The following RGS17 variants were observed in gnomAD, a reference collection of about 807,000 sequenced individuals.
RGS17 encodes regulator of G-protein signaling 17.
Under a neutral mutation model 25.5 loss-of-function variants are expected in RGS17, and 12 were observed. The ratio of observed to expected loss-of-function variants is 0.47; its 90% CI spans 0.30 to 0.76. The LOEUF is 0.76. Ranked by LOEUF, RGS17 falls within the 30% of genes least tolerant of loss-of-function variation. The pLI is 0.07. For missense variants in RGS17, 196 were observed against 242.2 expected, an observed-to-expected ratio of 0.81 and a Z score of 1.27; for synonymous variants, 71 against 76.9, an observed-to-expected ratio of 0.92 and a Z score of 0.40.
intron 1 of RGS17, among the ~76,000 whole-genome samples, chr6:153,117,765 C>T (rs1270010418): frequency 6.6e-6 from 1 of 152,226 alleles, no homozygotes; most frequent in Non-Finnish European, 1.5e-5. Flanking sequence ...TTTATTATCA[C>T]ATCAGTACTG....
intron 1 of RGS17, among the ~76,000 whole-genome samples, chr6:153,064,896 G>C (rs1024737158): frequency 3.9e-5 from 6 of 152,014 alleles, no homozygotes; most frequent in African/African-American, 7.2e-5. Flanking sequence ...AAAGAAGAAA[G>C]AGAAGACCAC....
intron 1 of RGS17, among the ~76,000 whole-genome samples, chr6:153,108,537 T>C (rs1777418320): frequency 7.0e-6 from 1 of 143,388 alleles, no homozygotes; most frequent in African/African-American, 2.5e-5. Context: ...GAACTTCAGA[T>C]GCTATGAGCC....
intron 1 of RGS17, among the ~76,000 whole-genome samples, chr6:153,104,929 C>T (rs1456021759): frequency 1.3e-5 from 2 of 151,122 alleles, no homozygotes; most frequent in Admixed American, 1.3e-4. Flanking sequence ...GGGGGAGGAA[C>T]ATTTCAGGCA....
At position 153,130,483 on chromosome 6, in the gene RGS17, TACACAC is replaced by T. The variant is rs58779961; in HGVS notation, c.-26+635_-26+640del. On this transcript the variant is annotated intron_variant, in intron 1 of 4. Transcript: ENST00000206262. The surrounding 1 kb of genome is among the most constrained non-coding windows in gnomAD (Gnocchi z 6.4). ...CCCACCCCCTATACATACATACACA[TACACAC>T]ACACACACACACACACACACCCCTC... Among the ~76,000 whole-genome samples, 1 of 146,096 alleles carries T rather than the reference TACACAC, an allele frequency of 6.8e-6. No individual in the cohort carries two copies. The highest frequency in any genetic ancestry group is 1.5e-5 in the Non-Finnish European group (1 of 66,070).
intron 1 of RGS17, among the ~76,000 whole-genome samples, chr6:153,126,393 G>A (rs948023727): frequency 6.6e-6 from 1 of 152,140 alleles, no homozygotes; most frequent in Non-Finnish European, 1.5e-5. Context: ...CAGGGGTGTA[G>A]CAGTATATGA....
At chr6:153,120,077 A>G (rs1483626356) in intron 1 of RGS17, among the ~76,000 whole-genome samples, 1 of 152,224 alleles carries the variant, frequency 6.6e-6, no homozygotes, top group Non-Finnish European at 1.5e-5. Flanking sequence ...TGGTGTCAAA[A>G]ATAAGTTCAA....
At chr6:153,089,991 T>C (rs1777103738) in intron 1 of RGS17, among the ~76,000 whole-genome samples, 1 of 152,188 alleles carries the variant, frequency 6.6e-6, no homozygotes, top group Non-Finnish European at 1.5e-5. Context: ...GGCAGCAGCA[T>C]CTTACTCTTG....
At position 153,130,918 on chromosome 6, in the gene RGS17, G is replaced by A. The variant is rs1345211575; in HGVS notation, c.-26+206C>T. 6.6e-6 allele frequency among the ~76,000 whole-genome samples: 1 copy of A among 151,766 alleles called. No homozygotes were observed. Among genetic ancestry groups the A allele is most frequent in the African/African-American group, 2.4e-5 (1 of 41,370 alleles). On this transcript the variant is annotated intron_variant, in intron 1 of 4. Transcript: ENST00000206262. The surrounding 1 kb of genome is among the most constrained non-coding windows in gnomAD (Gnocchi z 6.4). The stretch of plus-strand genomic sequence containing the variant: ...ATTCAACTTCCCGGACCCGCGGCGC[G>A]GCCCCCGCTCCCGCTCAGGGCGCCG...
At chr6:153,071,071 A>G (rs1232652798) in intron 1 of RGS17, among the ~76,000 whole-genome samples, 2 of 150,238 alleles carry the variant, frequency 1.3e-5, no homozygotes, top group Admixed American at 6.7e-5. Context: ...ATGTACATAT[A>G]CGTATATGTA....
chr6:153,093,576 A>G (rs1777162786), intron 1 of RGS17, among the ~76,000 whole-genome samples: 1 of 152,190 alleles, frequency 6.6e-6, no homozygotes, highest in Non-Finnish European at 1.5e-5. Context: ...GGACTAAACA[A>G]GGGAAAAAGT....
intron 1 of RGS17, among the ~76,000 whole-genome samples, chr6:153,071,915 T>C (rs753237425): frequency 2.6e-5 from 4 of 152,168 alleles, no homozygotes; most frequent in African/African-American, 4.8e-5. Flanking sequence ...AAAATTGAGA[T>C]ATTAATTAAT....
intron 1 of RGS17, among the ~76,000 whole-genome samples, chr6:153,075,446 C>T (rs1464903136): frequency 6.6e-6 from 1 of 152,186 alleles, no homozygotes; most frequent in Non-Finnish European, 1.5e-5. Context: ...CTACCTCTAC[C>T]CTGTCTGATG....
At chr6:153,052,797 A>G (rs1177876549) in intron 1 of RGS17, among the ~76,000 whole-genome samples, 1 of 152,134 alleles carries the variant, frequency 6.6e-6, no homozygotes, top group Non-Finnish European at 1.5e-5. Flanking sequence ...CCTCAAACAC[A>G]TATGTTGAAA....
intron 1 of RGS17, among the ~76,000 whole-genome samples, chr6:153,114,989 A>G (rs944615629): frequency 6.6e-6 from 1 of 152,234 alleles, no homozygotes; most frequent in Admixed American, 6.5e-5. Context: ...AATGGGCAAA[A>G]GCTGGAAGCA....
chr6:153,127,446 T>C (rs1777719500), intron 1 of RGS17, among the ~76,000 whole-genome samples: 1 of 152,256 alleles, frequency 6.6e-6, no homozygotes, highest in African/African-American at 2.4e-5. Flanking sequence ...CAGTACTTTA[T>C]ATACATTGCA....
At chr6:153,024,553 G>T in intron 3 of RGS17, 57 bp from the exon 4 acceptor site, 2 of 1,261,524 alleles carry the variant, frequency 1.6e-6, no homozygotes, top group South Asian at 2.4e-5. Flanking sequence ...GTGAATGCTA[G>T]ACCAGGTAAG....
intron 1 of RGS17, among the ~76,000 whole-genome samples, chr6:153,098,143 G>A (rs942167073): frequency 1.3e-5 from 2 of 152,162 alleles, no homozygotes; most frequent in African/African-American, 4.8e-5. Flanking sequence ...AGTGATTACT[G>A]CTGCTGCTGA....
In RGS17 at chr6:153,026,488, T is replaced by C. The variant is rs908313056; in HGVS notation, c.175A>G (p.Thr59Ala). The C allele has an allele frequency of 1.2e-6, 2 of 1,613,358 alleles. No individual in the cohort carries two copies. Among genetic ancestry groups the C allele is most frequent in the Non-Finnish European group, 1.7e-6 (2 of 1,179,432 alleles). ...AGGACCTGGATACTCTCCATTTTTGTAGTGTGTGTGGGTCTTCCCGCATTT... is the reference window on the plus strand; with the variant it reads ...AGGACCTGGATACTCTCCATTTTTGCAGTGTGTGTGGGTCTTCCCGCATTT... ...GENAGRPTHT[T>A]KMESIQVLEE... The change falls in exon 3 of 5, where the codon ACA becomes GCA. Residue 59 changes from threonine to alanine, a missense_variant. By Grantham distance (58) the Thr-to-Ala change is moderately conservative. Transcript: ENST00000206262.
chr6:153,043,648 C>T (rs1302166368), intron 2 of RGS17, among the ~76,000 whole-genome samples: 1 of 152,016 alleles, frequency 6.6e-6, no homozygotes, highest in African/African-American at 2.4e-5. Context: ...TGGAGAAAAA[C>T]ATGATATAAA....
Sources: allele counts gnomAD v4.1 joint callset (sites outside exome capture counted in the v4.1 genomes callset), GRCh38; gene constraint gnomAD v4.1.1; non-coding constraint Gnocchi (gnomAD v3.1); transcripts MANE v1.5; gene names NCBI Gene and HGNC (gene_info 2026-07-23, HGNC 2026-07-21).